Variants in ADGRB3 observed in about 807,000 individuals in gnomAD.
The protein encoded by ADGRB3 is brain-specific angiogenesis inhibitor 3.
A neutral mutation model predicts 193.4 loss-of-function variants in ADGRB3; 37 were observed. That is an observed-to-expected ratio of 0.19 (90% CI 0.15 to 0.25). The LOEUF is 0.25. Ranked by LOEUF, ADGRB3 falls within the 10% of genes least tolerant of loss-of-function variation. ADGRB3 has a pLI of 1.00. For missense variants in ADGRB3, 1,637 were observed against 1,852.9 expected, an observed-to-expected ratio of 0.88 and a Z score of 2.14; for synonymous variants, 690 against 644.2, an observed-to-expected ratio of 1.07 and a Z score of -1.08.
intron 13 of ADGRB3, among the ~76,000 whole-genome samples, chr6:69,027,457 T>C (rs1770468556): frequency 1.3e-5 from 2 of 152,104 alleles, no homozygotes; most frequent in African/African-American, 4.8e-5. Flanking sequence ...TAAATAGGAG[T>C]ACACCCTAAA....
intron 20 of ADGRB3, among the ~76,000 whole-genome samples, chr6:69,307,622 CTCT>C (rs1369108174): frequency 6.6e-6 from 1 of 151,474 alleles, no homozygotes; most frequent in Non-Finnish European, 1.5e-5. Flanking sequence ...TTTCAAATAT[CTCT>C]TCTTCTTTTT....
chr6:68,967,603 C>T (rs1768420571), intron 8 of ADGRB3, among the ~76,000 whole-genome samples: 1 of 151,792 alleles, frequency 6.6e-6, no homozygotes, highest in Non-Finnish European at 1.5e-5. Context: ...GATCCACCCC[C>T]CACCTCCACC....
intron 20 of ADGRB3, among the ~76,000 whole-genome samples, chr6:69,322,660 T>A (rs1768484873): frequency 6.6e-6 from 1 of 151,962 alleles, no homozygotes; most frequent in African/African-American, 2.4e-5. Context: ...GATTTTATAC[T>A]AATTCTTCAC....
intron 13 of ADGRB3, among the ~76,000 whole-genome samples, 196 bp downstream of exon 13, chr6:69,018,695 G>A (rs1770169031): frequency 6.6e-6 from 1 of 151,806 alleles, no homozygotes; most frequent in Admixed American, 6.6e-5. Flanking sequence ...GCGTATATTT[G>A]TATTTATCTT....
rs779301711 is a variant in ADGRB3 at position 68,974,880 on chromosome 6, C to T, written c.1627+16C>T. 6.3e-7 allele frequency: 1 copy of T among 1,591,782 alleles called. No individual in the cohort carries two copies. Among genetic ancestry groups the T allele is most frequent in the Admixed American group, 1.7e-5 (1 of 59,600 alleles). On this transcript the variant is annotated intron_variant, in intron 9 of 31. Coordinates refer to ENST00000370598, the MANE Select transcript of ADGRB3 (RefSeq NM_001704.3). ...AATGCCACAGGTACAGTAGGATGAC[C>T]CACCCAAACCCTAGTGATAATCCCC...
chr6:69,078,263 G>T (rs1002675178), intron 17 of ADGRB3, among the ~76,000 whole-genome samples: 7 of 151,826 alleles, frequency 4.6e-5, no homozygotes, highest in Admixed American at 2.6e-4. Context: ...AGCAATGCAC[G>T]AGTATTTTTT....
At chr6:69,093,088 C>T (rs1204490606) in intron 17 of ADGRB3, among the ~76,000 whole-genome samples, 1 of 150,626 alleles carries the variant, frequency 6.6e-6, no homozygotes, top group African/African-American at 2.4e-5. Context: ...GGAGGATAGC[C>T]TTGGTTCAAG....
At chr6:69,130,345 A>C (rs1011108329) in intron 17 of ADGRB3, among the ~76,000 whole-genome samples, 1 of 151,958 alleles carries the variant, frequency 6.6e-6, no homozygotes, top group African/African-American at 2.4e-5. Context: ...TATTCAGACT[A>C]TAGCAGCTGT....
intron 3 of ADGRB3, among the ~76,000 whole-genome samples, chr6:68,686,561 A>G (rs189615793): frequency 3.9e-5 from 6 of 152,236 alleles, no homozygotes; most frequent in African/African-American, 1.4e-4. Context: ...GCTCTTTTCC[A>G]TAGCTGATCT....
intron 13 of ADGRB3, among the ~76,000 whole-genome samples, chr6:69,025,736 C>T (rs942889012): frequency 6.6e-6 from 1 of 152,086 alleles, no homozygotes; most frequent in Non-Finnish European, 1.5e-5. Context: ...TACTGGTTTC[C>T]TGAGAAAACA....
At position 68,956,000 on chromosome 6, in the gene ADGRB3, C is replaced by T. The variant is rs1415471615; in HGVS notation, c.1196-24C>T. On this transcript the variant is annotated intron_variant, in intron 6 of 31. Transcript: ENST00000370598. The stretch of plus-strand genomic sequence containing the variant: ...TGTCCTATTGGAAGATATCCTCATG[C>T]TGTCTCTTTTTCTGCTTTGGTAGTT... 2.5e-6 allele frequency: 4 copies of T among 1,607,600 alleles called. No individual in the cohort carries two copies. The Admixed American group carries it at 6.7e-5, about 27-fold the overall frequency.
At chr6:68,647,072 C>T (rs1198164671) in intron 3 of ADGRB3, among the ~76,000 whole-genome samples, 1 of 152,222 alleles carries the variant, frequency 6.6e-6, no homozygotes, top group South Asian at 2.1e-4. Flanking sequence ...TAAAAGAATA[C>T]TGTTAATAAT....
In ADGRB3 at chr6:68,648,397, C is replaced by G. The variant is rs534517244; in HGVS notation, c.757+8965C>G. On this transcript the variant is annotated intron_variant, in intron 3 of 31. Transcript: ENST00000370598. ...TAAAATGAAATAATTTACCTGCTAA[C>G]TTAATCCTGGATAAATATTTTCTCA... 1.7e-3 allele frequency among the ~76,000 whole-genome samples: 250 copies of G among 151,112 alleles called. 1 individual carries two copies. Among genetic ancestry groups the G allele is most frequent in the African/African-American group, 5.9e-3 (244 of 41,124 alleles).
chr6:69,238,731 A>T (rs1766324960), intron 19 of ADGRB3, among the ~76,000 whole-genome samples: 2 of 151,890 alleles, frequency 1.3e-5, no homozygotes, highest in African/African-American at 4.8e-5. Context: ...TCATATGATA[A>T]TGCTAAACAT....
chr6:68,855,820 G>A (rs1335082852), intron 3 of ADGRB3, among the ~76,000 whole-genome samples: 2 of 152,024 alleles, frequency 1.3e-5, no homozygotes, highest in East Asian at 1.9e-4. Flanking sequence ...GGAGTTCGAG[G>A]TCAGCCTGGG....
intron 3 of ADGRB3, among the ~76,000 whole-genome samples, chr6:68,695,418 C>T (rs1765140617): frequency 6.6e-6 from 1 of 152,038 alleles, no homozygotes; most frequent in South Asian, 2.1e-4. Context: ...TAATGGGAGA[C>T]AGGTAGCAGG....
intron 3 of ADGRB3, among the ~76,000 whole-genome samples, chr6:68,699,723 C>T (rs1765211088): frequency 6.6e-6 from 1 of 151,674 alleles, no homozygotes; most frequent in Admixed American, 6.6e-5. Flanking sequence ...TTGCGCATCA[C>T]CACCGAGAGC....
At chr6:69,269,297 A>G (rs1244087491) in intron 20 of ADGRB3, among the ~76,000 whole-genome samples, 1 of 152,190 alleles carries the variant, frequency 6.6e-6, no homozygotes, top group South Asian at 2.1e-4. Context: ...TAAAGACTTC[A>G]TTGAAAACAG....
At chr6:68,812,388 A>G (rs1767528972) in intron 3 of ADGRB3, among the ~76,000 whole-genome samples, 1 of 152,004 alleles carries the variant, frequency 6.6e-6, no homozygotes, top group Admixed American at 6.6e-5. Context: ...GAATATGTGT[A>G]TTTCAGGGAG....
Sources: allele counts gnomAD v4.1 joint callset (sites outside exome capture counted in the v4.1 genomes callset), GRCh38; gene constraint gnomAD v4.1.1; transcripts MANE v1.5; gene names NCBI Gene and HGNC (gene_info 2026-07-23, HGNC 2026-07-21).